MOB3B: variants seen among roughly 807,000 people sequenced by gnomAD.
MOB3B encodes MOB kinase activator 3B.
Under a neutral mutation model 18.7 loss-of-function variants are expected in MOB3B, and 7 were observed. The observed-to-expected ratio is 0.37, with a 90% CI of 0.21 to 0.70. The LOEUF (loss-of-function observed/expected upper bound fraction) is 0.70, where lower values mean the gene tolerates loss of function less well. MOB3B is among the 30% of genes least tolerant of loss of function. The pLI is 0.52. For missense variants in MOB3B, 253 were observed against 281.3 expected (o/e 0.90, Z 0.72); for synonymous variants, 111 against 99.9 (o/e 1.11, Z -0.66).
At chr9:27,378,069 G>A (rs1821518141) in intron 2 of MOB3B, among the ~76,000 whole-genome samples, 1 of 152,242 alleles carries the variant, frequency 6.6e-6, no homozygotes, top group South Asian at 2.1e-4. Context: ...TGCAATCTAT[G>A]AGGTATGGGC....
At chr9:27,404,449 C>T (rs1821936772) in intron 2 of MOB3B, among the ~76,000 whole-genome samples, 1 of 140,546 alleles carries the variant, frequency 7.1e-6, no homozygotes, top group African/African-American at 2.7e-5. Context: ...TCTTGAACTG[C>T]AAAGTTCAAG....
At chr9:27,377,458 T>TG in intron 2 of MOB3B, among the ~76,000 whole-genome samples, 1 of 150,908 alleles carries the variant, frequency 6.6e-6, no homozygotes, top group South Asian at 2.1e-4. Flanking sequence ...CTGCCAGGGG[T>TG]GGGAGGAAGG....
At position 27,330,597 on chromosome 9, in the gene MOB3B, A is replaced by G; in HGVS notation, c.641T>C (p.Met214Thr). The G allele has an allele frequency of 6.2e-7, 1 of 1,614,094 alleles. No homozygotes were observed. ...LEPLKEMTSR[M>T]CH Reference sequence around the variant, plus strand: ...GGGTGAGGTGGAGCATTAGTGACACATCCTGCTCGTCATTTCTTTCTGGAA... The same window carrying G: ...GGGTGAGGTGGAGCATTAGTGACACGTCCTGCTCGTCATTTCTTTCTGGAA... Residue 214 changes from methionine (M) to threonine (T), a missense_variant, in exon 4 of 4, where the codon ATG becomes ACG. Met to Thr is a moderately conservative substitution (Grantham distance 81). Coordinates refer to ENST00000262244, the MANE Select transcript of MOB3B (RefSeq NM_024761.5).
intron 2 of MOB3B, among the ~76,000 whole-genome samples, chr9:27,437,464 G>T (rs1320055424): frequency 6.6e-6 from 1 of 152,076 alleles, no homozygotes; most frequent in Non-Finnish European, 1.5e-5. Flanking sequence ...TGGACATTGT[G>T]CTAATCAAGG....
chr9:27,404,671 T>A (rs567864976), intron 2 of MOB3B, among the ~76,000 whole-genome samples: 245 of 152,280 alleles, frequency 1.6e-3, no homozygotes, highest in African/African-American at 5.5e-3. Context: ...TAAACCACAT[T>A]TTCTTTATAA....
chr9:27,486,966 A>G (rs1443490332), intron 1 of MOB3B, among the ~76,000 whole-genome samples: 1 of 152,042 alleles, frequency 6.6e-6, no homozygotes, highest in East Asian at 1.9e-4. Flanking sequence ...CCTCACCTCT[A>G]CTAAAAATAC....
intron 2 of MOB3B, among the ~76,000 whole-genome samples, chr9:27,417,967 C>T (rs915901537): frequency 6.6e-6 from 1 of 151,696 alleles, no homozygotes; most frequent in African/African-American, 2.4e-5. Context: ...TGGCACACGC[C>T]TGTGGTCCCA....
chr9:27,348,185 T>G (rs1057402431), intron 3 of MOB3B, among the ~76,000 whole-genome samples: 1 of 152,116 alleles, frequency 6.6e-6, no homozygotes, highest in African/African-American at 2.4e-5. Flanking sequence ...TCTTAAGCAA[T>G]GAGCACTTTG....
chr9:27,350,708 C>T (rs1337608785), intron 3 of MOB3B, among the ~76,000 whole-genome samples: 4 of 152,174 alleles, frequency 2.6e-5, no homozygotes, highest in Non-Finnish European at 4.4e-5. Flanking sequence ...TGCCAAGTCT[C>T]CTAAAATGAT....
At chr9:27,365,204 TTGCCAGACTCCTGA>T in intron 2 of MOB3B, among the ~76,000 whole-genome samples, 1 of 146,252 alleles carries the variant, frequency 6.8e-6, no homozygotes, top group South Asian at 2.2e-4. Context: ...GGATAGCTTT[TTGCCAGACTCCTGA>T]TATATATAGT....
chr9:27,527,253 CT>C (rs1423347990), intron 1 of MOB3B, among the ~76,000 whole-genome samples: 7 of 152,074 alleles, frequency 4.6e-5, no homozygotes. Flanking sequence ...TAACTTTGGT[CT>C]TTTTTGTTGC....
intron 1 of MOB3B, among the ~76,000 whole-genome samples, chr9:27,516,514 A>G (rs1036588197): frequency 1.3e-5 from 2 of 152,224 alleles, no homozygotes; most frequent in Non-Finnish European, 2.9e-5. Context: ...TAGATCAACA[A>G]TGGCAAATAG....
chr9:27,410,123 A>G (rs1452386738), intron 2 of MOB3B, among the ~76,000 whole-genome samples: 1 of 152,248 alleles, frequency 6.6e-6, no homozygotes, highest in Non-Finnish European at 1.5e-5. Flanking sequence ...ACAAATTTTT[A>G]AAAAATGTTT....
intron 1 of MOB3B, among the ~76,000 whole-genome samples, chr9:27,518,599 C>A (rs1820275560): frequency 6.6e-6 from 1 of 152,120 alleles, no homozygotes; most frequent in Non-Finnish European, 1.5e-5. Flanking sequence ...GGATTCTTTT[C>A]CAACAGCTCA....
chr9:27,442,749 G>A (rs530845555), intron 2 of MOB3B, among the ~76,000 whole-genome samples: 1 of 152,170 alleles, frequency 6.6e-6, no homozygotes, highest in Non-Finnish European at 1.5e-5. Flanking sequence ...TGCCAGCCCA[G>A]TTTGACTTTG....
At chr9:27,491,500 T>C (rs933628380) in intron 1 of MOB3B, among the ~76,000 whole-genome samples, 1 of 152,168 alleles carries the variant, frequency 6.6e-6, no homozygotes, top group Non-Finnish European at 1.5e-5. Flanking sequence ...AACTTTTTAT[T>C]TTCAGAGATT....
At chr9:27,445,846 G>T (rs1822682122) in intron 2 of MOB3B, among the ~76,000 whole-genome samples, 1 of 152,078 alleles carries the variant, frequency 6.6e-6, no homozygotes, top group Admixed American at 6.5e-5. Flanking sequence ...ATTGCCGGCG[G>T]ATTGTCAAGG....
At chr9:27,336,774 G>A (rs946270798) in intron 3 of MOB3B, among the ~76,000 whole-genome samples, 1 of 152,112 alleles carries the variant, frequency 6.6e-6, no homozygotes, top group Non-Finnish European at 1.5e-5. Context: ...CCGCACACGT[G>A]TATACTCATG....
At chr9:27,386,160 C>T (rs1038955192) in intron 2 of MOB3B, among the ~76,000 whole-genome samples, 3 of 152,168 alleles carry the variant, frequency 2.0e-5, no homozygotes, top group Admixed American at 6.5e-5. Context: ...AGTCTGCCTC[C>T]CTTGCTGCCT....
Sources: gnomAD v4.1 joint callset for allele counts (sites outside exome capture counted in the v4.1 genomes callset) on GRCh38, gnomAD v4.1.1 for gene constraint, MANE v1.5 for transcripts, NCBI Gene and HGNC (gene_info 2026-07-23, HGNC 2026-07-21) for gene names.